The following MAPRE1 variants were observed in gnomAD, a reference collection of about 807,000 sequenced individuals.
The protein encoded by MAPRE1 is microtubule-associated protein RP/EB family member 1.
A neutral mutation model predicts 32.1 loss-of-function variants in MAPRE1; 5 were observed. The observed-to-expected ratio is 0.16, with a 90% CI of 0.08 to 0.33. The LOEUF (loss-of-function observed/expected upper bound fraction) is 0.33, where lower values mean the gene tolerates loss of function less well. MAPRE1 is among the 10% of genes least tolerant of loss of function. The probability of loss-of-function intolerance (pLI) is 1.00; values close to 1 mark genes in which losing one functional copy is unlikely to be tolerated. For missense variants in MAPRE1, 209 were observed against 327.2 expected, an observed-to-expected ratio of 0.64 and a Z score of 2.79; for synonymous variants, 122 against 118.9, an observed-to-expected ratio of 1.03 and a Z score of -0.17.
At chr20:32,822,549 C>T (rs996627051) in intron 1 of MAPRE1, among the ~76,000 whole-genome samples, 2 of 152,116 alleles carry the variant, frequency 1.3e-5, no homozygotes, top group African/African-American at 4.8e-5. Flanking sequence ...AGGTCCCTAC[C>T]CTACATCTTG....
At chr20:32,835,727 T>G (rs888445954) in intron 3 of MAPRE1, among the ~76,000 whole-genome samples, 1 of 151,198 alleles carries the variant, frequency 6.6e-6, no homozygotes, top group Non-Finnish European at 1.5e-5. Context: ...TGCCTCAGCC[T>G]CCTGAGTAGC....
chr20:32,830,455 T>A (rs1250998389), intron 2 of MAPRE1, among the ~76,000 whole-genome samples: 1 of 152,222 alleles, frequency 6.6e-6, no homozygotes, highest in African/African-American at 2.4e-5. Context: ...CTTTTCCAGG[T>A]ACTCCATTTG....
At chr20:32,847,829 GT>G (rs1269591219) in intron 6 of MAPRE1, among the ~76,000 whole-genome samples, 1 of 152,176 alleles carries the variant, frequency 6.6e-6, no homozygotes, top group Non-Finnish European at 1.5e-5. Flanking sequence ...AGAATGAGGT[GT>G]GTGGGAGTCA....
intron 4 of MAPRE1, 110 bp from the exon 5 acceptor site, chr20:32,839,625 G>C: frequency 6.9e-7 from 1 of 1,458,870 alleles, no homozygotes; most frequent in Non-Finnish European, 9.3e-7. Context: ...TCCCTTCACT[G>C]AACACCTGTG....
intron 1 of MAPRE1, among the ~76,000 whole-genome samples, chr20:32,824,416 C>T (rs11700252): frequency 6.6e-6 from 1 of 152,220 alleles, no homozygotes. Flanking sequence ...GCTGGGCAGG[C>T]TTGCCTGCCA....
At chr20:32,825,209 T>TA (rs3831804) in intron 1 of MAPRE1, among the ~76,000 whole-genome samples, 45,689 of 151,376 alleles carry the variant, frequency 0.3, 7,775 homozygotes, top group African/African-American at 0.46. Context: ...AAGAAAATTG[T>TA]AACATTTTGA....
intron 5 of MAPRE1, among the ~76,000 whole-genome samples, chr20:32,843,974 C>T (rs1194005918): frequency 1.3e-5 from 2 of 152,118 alleles, no homozygotes; most frequent in African/African-American, 4.8e-5. Flanking sequence ...CTGCCCCAGC[C>T]TCCCAAGTAG....
intron 2 of MAPRE1, 37 bp downstream of exon 2, chr20:32,826,085 C>G (rs770126503): frequency 1.3e-6 from 2 of 1,548,028 alleles, no homozygotes; most frequent in Admixed American, 1.7e-5. Flanking sequence ...TCTAGGAAAG[C>G]CTGTAGGTTT....
At chr20:32,840,105 C>T (rs772798645) in intron 5 of MAPRE1, among the ~76,000 whole-genome samples, 20 of 152,202 alleles carry the variant, frequency 1.3e-4, no homozygotes, top group Non-Finnish European at 2.6e-4. Flanking sequence ...GACTAGAATC[C>T]TGTTGAATGT....
intron 2 of MAPRE1, 85 bp downstream of exon 2, chr20:32,826,133 A>C: frequency 7.5e-7 from 1 of 1,339,124 alleles, no homozygotes; most frequent in Non-Finnish European, 1.0e-6. Flanking sequence ...CTGCAAAGCC[A>C]CACACAGAGG....
At chr20:32,831,883 C>T (rs1448893531) in intron 2 of MAPRE1, among the ~76,000 whole-genome samples, 20 of 145,794 alleles carry the variant, frequency 1.4e-4, no homozygotes, top group African/African-American at 5.1e-4. Flanking sequence ...TAAAATACCA[C>T]TGTGGATATA....
chr20:32,832,495 C>T (rs1366858646), intron 2 of MAPRE1, among the ~76,000 whole-genome samples: 16 of 133,622 alleles, frequency 1.2e-4, no homozygotes, highest in African/African-American at 3.9e-4. Flanking sequence ...GAGACGAGGT[C>T]TCTCTCTGTC....
intron 3 of MAPRE1, among the ~76,000 whole-genome samples, chr20:32,835,521 G>A (rs1416720143): frequency 6.6e-6 from 1 of 152,058 alleles, no homozygotes; most frequent in Admixed American, 6.6e-5. Flanking sequence ...TGGAAAACAT[G>A]TCATTTTGTA....
chr20:32,846,683 A>G lies in MAPRE1; in HGVS notation c.663A>G (p.Leu221=), dbSNP rs145958476. ...AGAGGGATTTCTACTTCGGAAAGCT[A>G]CGGAACATTGAATTGATTTGCCAGG... ...EKERDFYFGK[L]RNIELICQEN... The change falls in exon 6 of 7, where the codon CTA becomes CTG. Residue 221 remains leucine, a synonymous_variant. Transcript: ENST00000375571. 1.1e-4 allele frequency: 175 copies of G among 1,614,152 alleles called. No individual in the cohort carries two copies. Among genetic ancestry groups the G allele is most frequent in the Non-Finnish European group, 1.4e-4 (165 of 1,179,980 alleles).
chr20:32,845,331 G>A lies in MAPRE1; in HGVS notation c.598-1287G>A, dbSNP rs576497153. ...TTTGGGATTGCAGATGTGAGCCACG[G>A]CAGCTGGCCCCTCTAGTACTTTATT... On this transcript the variant is annotated intron_variant, in intron 5 of 6. Coordinates refer to ENST00000375571, the MANE Select transcript of MAPRE1 (RefSeq NM_012325.3). 9.2e-5 allele frequency among the ~76,000 whole-genome samples: 14 copies of A among 152,296 alleles called. No homozygotes were observed. In the Middle Eastern group the frequency reaches 0.017, roughly 185 times the overall value.
chr20:32,841,527 A>G, intron 5 of MAPRE1, among the ~76,000 whole-genome samples: 1 of 151,706 alleles, frequency 6.6e-6, no homozygotes, highest in African/African-American at 2.4e-5. Context: ...CAGGTTAGTT[A>G]CATATGTATA....
At chr20:32,845,410 T>A (rs1983481852) in intron 5 of MAPRE1, among the ~76,000 whole-genome samples, 1 of 152,202 alleles carries the variant, frequency 6.6e-6, no homozygotes, top group Non-Finnish European at 1.5e-5. Context: ...AGTGAAAGGC[T>A]GTCTAGAACT....
chr20:32,820,453 G>T (rs1425913350), intron 1 of MAPRE1, among the ~76,000 whole-genome samples: 1 of 152,152 alleles, frequency 6.6e-6, no homozygotes, highest in Non-Finnish European at 1.5e-5. Context: ...TCAGACCTGG[G>T]TTGGGTTCCG....
chr20:32,830,969 C>T (rs917997735), intron 2 of MAPRE1, among the ~76,000 whole-genome samples: 5 of 152,148 alleles, frequency 3.3e-5, no homozygotes, highest in Admixed American at 3.3e-4. Context: ...CGTGATCCGC[C>T]TGCGTCGGCC....
Sources: allele counts gnomAD v4.1 joint callset (sites outside exome capture counted in the v4.1 genomes callset), GRCh38; gene constraint gnomAD v4.1.1; transcripts MANE v1.5; gene names NCBI Gene and HGNC (gene_info 2026-07-23, HGNC 2026-07-21).